The following CC2D2B variants were observed in gnomAD, a reference collection of about 807,000 sequenced individuals.
The protein encoded by CC2D2B is coiled-coil and C2 domain containing 2B, also known as protein CC2D2B.
A neutral mutation model predicts 161.2 loss-of-function variants in CC2D2B; 128 were observed. That is an observed-to-expected ratio of 0.79 (90% CI 0.69 to 0.92). The LOEUF is 0.92. Among genes scored for constraint, CC2D2B ranks in the 40% least tolerant of loss-of-function variants. The pLI, the probability that CC2D2B is intolerant of heterozygous loss-of-function variation, is 0.00. For synonymous variants in CC2D2B, 391 were observed against 449.8 expected (o/e 0.87, Z 1.65); for missense variants, 1,173 against 1,375.1 (o/e 0.85, Z 2.32).
chr10:95,914,001 C>G (rs1014851933), intron 2 of CC2D2B, among the ~76,000 whole-genome samples: 11 of 152,106 alleles, frequency 7.2e-5, no homozygotes, highest in Admixed American at 7.2e-4. Flanking sequence ...CTTTGATTGC[C>G]TGTGCTTTTG....
At chr10:96,011,521 C>G (rs776175184) in intron 26 of CC2D2B, among the ~76,000 whole-genome samples, 4 of 152,114 alleles carry the variant, frequency 2.6e-5, no homozygotes, top group Non-Finnish European at 4.4e-5. Flanking sequence ...GGGTCTTGCA[C>G]ATTAGTAAGC....
rs1249567230 is a variant in CC2D2B, at chr10:96,009,934, A to G, written c.3045+11A>G. 4 of 1,543,862 alleles carry G rather than the reference A, an allele frequency of 2.6e-6. No individual in the cohort carries two copies. Among genetic ancestry groups the G allele is most frequent in the Non-Finnish European group, 3.6e-6 (4 of 1,120,382 alleles). On this transcript the variant is annotated intron_variant, in intron 26 of 34. Coordinates refer to ENST00000646931, the MANE Select transcript of CC2D2B (RefSeq NM_001349008.3). ...CTGCAACAATCTGAGGTAAGAGAAAATGCTTCTTTGCTCATTCTAAGTTTT... is the reference window on the plus strand; with the variant it reads ...CTGCAACAATCTGAGGTAAGAGAAAGTGCTTCTTTGCTCATTCTAAGTTTT...
chr10:95,985,840 A>G (rs1317805344), intron 19 of CC2D2B, among the ~76,000 whole-genome samples: 1 of 152,154 alleles, frequency 6.6e-6, no homozygotes, highest in Non-Finnish European at 1.5e-5. Context: ...GGCTTCTAAA[A>G]TGGCCGCTCT....
chr10:95,956,644 T>C (rs894080498), intron 11 of CC2D2B, among the ~76,000 whole-genome samples: 1 of 152,146 alleles, frequency 6.6e-6, no homozygotes, highest in African/African-American at 2.4e-5. Context: ...ACCTGTCTGA[T>C]GTAACTGCAG....
intron 9 of CC2D2B, among the ~76,000 whole-genome samples, chr10:95,942,520 A>G (rs2076059040): frequency 6.6e-6 from 1 of 151,914 alleles, no homozygotes; most frequent in South Asian, 2.1e-4. Context: ...TATTTCTTTT[A>G]TATGTTTAAA....
chr10:95,928,758 G>A (rs2098544295), intron 6 of CC2D2B, among the ~76,000 whole-genome samples: 1 of 151,364 alleles, frequency 6.6e-6, no homozygotes, highest in South Asian at 2.1e-4. Flanking sequence ...TGTCTCCATA[G>A]TATTCCATGG....
At chr10:95,991,168 A>C (rs2077941693) in intron 20 of CC2D2B, among the ~76,000 whole-genome samples, 1 of 152,228 alleles carries the variant, frequency 6.6e-6, no homozygotes, top group Non-Finnish European at 1.5e-5. Context: ...GAAATAAACT[A>C]GCTTTGGTGT....
Position 95,981,956 on chromosome 10 carries a change from A to G in CC2D2B, c.1944-19A>G. 1.7e-6 allele frequency: 2 copies of G among 1,200,604 alleles called. No individual in the cohort carries two copies. Among genetic ancestry groups the G allele is most frequent in the Non-Finnish European group, 2.1e-6 (2 of 959,628 alleles). The allele number at this position is 1,200,604 out of a possible 1,614,324, so 74.4% of individuals were successfully genotyped here. ...TTTTATATTGTATGCAAGTTCACAA[A>G]ATATTTTCTCTATGTTAGTATGTTA... On this transcript the variant is annotated intron_variant, in intron 17 of 34. Transcript: ENST00000646931.
At chr10:95,952,150 A>G (rs1300132316) in intron 10 of CC2D2B, among the ~76,000 whole-genome samples, 1 of 152,204 alleles carries the variant, frequency 6.6e-6, no homozygotes, top group Admixed American at 6.5e-5. Flanking sequence ...AGTGTTTTCA[A>G]ACCAATTCAG....
intron 24 of CC2D2B, among the ~76,000 whole-genome samples, chr10:95,998,970 A>T (rs1458907323): frequency 1.3e-5 from 2 of 152,110 alleles, no homozygotes; most frequent in Non-Finnish European, 2.9e-5. Flanking sequence ...AATCCCAGCT[A>T]CTTGGGAGGC....
intron 24 of CC2D2B, among the ~76,000 whole-genome samples, chr10:95,997,970 C>T (rs1337452162): frequency 6.6e-6 from 1 of 152,114 alleles, no homozygotes; most frequent in Non-Finnish European, 1.5e-5. Context: ...TCCTTTTGTG[C>T]CATGTCTTCA....
At chr10:95,929,820 A>G (rs892169585) in intron 6 of CC2D2B, among the ~76,000 whole-genome samples, 1 of 152,198 alleles carries the variant, frequency 6.6e-6, no homozygotes, top group Admixed American at 6.5e-5. Context: ...GTTTGAAGTC[A>G]GGTAGCGTGA....
At chr10:95,994,892 T>G (rs562099798) in intron 22 of CC2D2B, among the ~76,000 whole-genome samples, 1 of 152,374 alleles carries the variant, frequency 6.6e-6, no homozygotes, top group Non-Finnish European at 1.5e-5. Flanking sequence ...ACTATTTTCC[T>G]TATTACACTG....
At chr10:95,926,815 A>AGTGTGTGTGTGCGTGT (rs2098539371) in intron 5 of CC2D2B, among the ~76,000 whole-genome samples, 1 of 134,946 alleles carries the variant, frequency 7.4e-6, no homozygotes, top group African/African-American at 2.7e-5. Flanking sequence ...CTGAGGTGGC[A>AGTGTGTGTGTGCGTGT]GTGTGTGTGT....
At chr10:95,936,171 G>A (rs2075814597) in intron 6 of CC2D2B, among the ~76,000 whole-genome samples, 1 of 152,146 alleles carries the variant, frequency 6.6e-6, no homozygotes, top group African/African-American at 2.4e-5. Context: ...AAGATATTAG[G>A]TCAGTAGGAG....
At chr10:95,982,144 C>T (rs2077552097) in intron 18 of CC2D2B, 31 bp downstream of exon 18, 1 of 1,178,174 alleles carries the variant, frequency 8.5e-7, no homozygotes, top group Non-Finnish European at 1.1e-6. Context: ...ATACTGTAAA[C>T]ATATTCTATT....
At chr10:95,999,882 C>T in intron 24 of CC2D2B, 1 of 494,186 alleles carries the variant, frequency 2.0e-6, no homozygotes, top group South Asian at 1.8e-5. Flanking sequence ...TCAGTTGAAC[C>T]CAGGTACCTT....
chr10:95,971,803 A>G (rs1232901400), intron 15 of CC2D2B, among the ~76,000 whole-genome samples: 1 of 152,210 alleles, frequency 6.6e-6, no homozygotes, highest in Non-Finnish European at 1.5e-5. Context: ...ATATTATGTT[A>G]TATGTACCTC....
chr10:95,970,185 C>T (rs1460966059), intron 15 of CC2D2B, among the ~76,000 whole-genome samples: 1 of 152,016 alleles, frequency 6.6e-6, no homozygotes, highest in East Asian at 1.9e-4. Flanking sequence ...AGATGCCCAC[C>T]ACCATGCCCC....
Sources: allele counts gnomAD v4.1 joint callset (sites outside exome capture counted in the v4.1 genomes callset), GRCh38; gene constraint gnomAD v4.1.1; transcripts MANE v1.5; gene names NCBI Gene and HGNC (gene_info 2026-07-23, HGNC 2026-07-21).